Variants in CLMN observed in about 807,000 individuals in gnomAD.
CLMN encodes calmin.
Under a neutral mutation model 92.7 loss-of-function variants are expected in CLMN, and 57 were observed. The ratio of observed to expected loss-of-function variants is 0.61; its 90% CI spans 0.50 to 0.77. The LOEUF is 0.77. Among genes scored for constraint, CLMN ranks in the 30% least tolerant of loss-of-function variants. The probability of loss-of-function intolerance (pLI) is 0.00; values close to 1 mark genes in which losing one functional copy is unlikely to be tolerated. For synonymous variants in CLMN, 466 were observed against 470.6 expected, an observed-to-expected ratio of 0.99 and a Z score of 0.13; for missense variants, 1,158 against 1,237.5, an observed-to-expected ratio of 0.94 and a Z score of 0.96.
chr14:95,210,807 G>A lies in CLMN; in HGVS notation c.681C>T (p.Ala227=), dbSNP rs1311194013. 7 of 1,588,930 alleles carry A rather than the reference G, an allele frequency of 4.4e-6. No homozygotes were observed. The highest frequency in any genetic ancestry group is 6.0e-6 in the Non-Finnish European group (7 of 1,171,788). ...SGLAFLAVIK[A]IDPSLVDMKQ... is the part of the protein sequence containing the mutation. ...TCATGTCCACCAGGCTGGGGTCAAT[G>A]GCCTTGATCACCGCCAGGAAAGCCA... Residue 227 remains alanine (A), a synonymous_variant, in exon 7 of 13, where the codon GCC becomes GCT. Coordinates refer to ENST00000298912, the MANE Select transcript of CLMN (RefSeq NM_024734.4).
At chr14:95,224,265 TTTTA>T (rs202079432) in intron 2 of CLMN, among the ~76,000 whole-genome samples, 38 of 151,658 alleles carry the variant, frequency 2.5e-4, no homozygotes, top group Non-Finnish European at 4.0e-4. Context: ...AAGCCCTTCA[TTTTA>T]TTTATTTATT....
At chr14:95,230,001 C>T in intron 2 of CLMN, 71 bp downstream of exon 2, 4 of 1,418,428 alleles carry the variant, frequency 2.8e-6, no homozygotes, top group Non-Finnish European at 4.0e-6. Context: ...AGCTCCCCCT[C>T]CACTCTCTGG....
intron 1 of CLMN, among the ~76,000 whole-genome samples, chr14:95,279,532 C>A (rs761514902): frequency 6.6e-6 from 1 of 152,198 alleles, no homozygotes; most frequent in Non-Finnish European, 1.5e-5. Flanking sequence ...GCCTGTAATC[C>A]CAGCACTTTG....
rs57386182 is a variant in CLMN, at chr14:95,222,289, T to G, written c.241-515A>C. The G allele has an allele frequency of 1.2e-3, 282 of 234,176 alleles. 5 individuals are homozygous for G. The East Asian group carries it at 0.034, about 28-fold the overall frequency. The allele number at this position is 234,176 out of a possible 1,614,324, so 14.5% of individuals were successfully genotyped here. On this transcript the variant is annotated intron_variant, in intron 3 of 12. Coordinates refer to ENST00000298912, the MANE Select transcript of CLMN (RefSeq NM_024734.4). ...TAGCCAAGAGTTTTGTGGACAGTTA[T>G]CCCAGGTCGAAAGAGAGAAAGAGAG...
At chr14:95,212,650 T>G (rs991516455) in intron 6 of CLMN, among the ~76,000 whole-genome samples, 6 of 152,324 alleles carry the variant, frequency 3.9e-5, no homozygotes, top group East Asian at 1.9e-4. Flanking sequence ...CATGCCCATG[T>G]TGAGAGGCAA....
At chr14:95,204,529 G>C (rs1896992777) in intron 8 of CLMN, 66 bp from the exon 9 acceptor site, 1 of 1,357,086 alleles carries the variant, frequency 7.4e-7, no homozygotes, top group Non-Finnish European at 9.8e-7. Context: ...AAAAAGCACA[G>C]AGCAACATGA....
intron 1 of CLMN, among the ~76,000 whole-genome samples, chr14:95,261,757 T>A (rs1378233578): frequency 6.6e-6 from 1 of 152,140 alleles, no homozygotes; most frequent in Non-Finnish European, 1.5e-5. Context: ...GTCCACCCGC[T>A]CCTCTCATCT....
chr14:95,237,436 G>A (rs1898093929), intron 1 of CLMN, among the ~76,000 whole-genome samples: 1 of 152,222 alleles, frequency 6.6e-6, no homozygotes. Context: ...ACTAAGCGCT[G>A]GGACAGCATG....
chr14:95,197,007 C>CT (rs1363082882), intron 9 of CLMN, among the ~76,000 whole-genome samples: 1 of 152,202 alleles, frequency 6.6e-6, no homozygotes, highest in Non-Finnish European at 1.5e-5. Flanking sequence ...CTGATGTTAT[C>CT]TTTTTGAGCC....
At chr14:95,224,018 A>G (rs41286556) in intron 2 of CLMN, among the ~76,000 whole-genome samples, 163 bp from the exon 3 acceptor site, 8,975 of 152,268 alleles carry the variant, frequency 0.059, 316 homozygotes, top group African/African-American at 0.063. Context: ...TCCCCCTGGA[A>G]GTGATACCCA....
Position 95,268,996 on chromosome 14 carries a change from G to T in CLMN, c.83-38863C>A, listed in dbSNP as rs188987200. Reference sequence around the variant, plus strand: ...TTTTTGTATTTTTAGCAGAGACAGGGTTTCACCATATTAGCCAGGCTGGTC... The same window carrying T: ...TTTTTGTATTTTTAGCAGAGACAGGTTTTCACCATATTAGCCAGGCTGGTC... On this transcript the variant is annotated intron_variant, in intron 1 of 12. Coordinates refer to ENST00000298912, the MANE Select transcript of CLMN (RefSeq NM_024734.4). 2.5e-4 allele frequency among the ~76,000 whole-genome samples: 38 copies of T among 151,510 alleles called. No individual in the cohort carries two copies. In the East Asian group the frequency reaches 5.6e-3, roughly 22 times the overall value.
rs377583081 is a variant in CLMN at position 95,319,813 on chromosome 14, C to T, written c.-21G>A. On this transcript the variant is annotated 5_prime_UTR_variant, in exon 1 of 13. Coordinates refer to ENST00000298912, the MANE Select transcript of CLMN (RefSeq NM_024734.4). ...GCCATGAAGCGCGGGCGGGAGAGCC[C>T]GGGCCAGCGCGGCGCGGGCGGCGGG... The T allele has an allele frequency of 5.9e-6, 8 of 1,361,838 alleles. No homozygotes were observed. Among genetic ancestry groups the T allele is most frequent in the East Asian group, 5.9e-5 (2 of 33,672 alleles). 84.4% of individuals were successfully genotyped at this position (1,361,838 alleles called of 1,614,324 possible).
At chr14:95,264,939 CAA>C (rs34109382) in intron 1 of CLMN, among the ~76,000 whole-genome samples, 21 of 127,398 alleles carry the variant, frequency 1.6e-4, no homozygotes, top group Non-Finnish European at 1.9e-4. Flanking sequence ...CCATCTCTAC[CAA>C]AAAAAAAAAA....
At chr14:95,201,828 T>C (rs10131148) in intron 9 of CLMN, among the ~76,000 whole-genome samples, 2 of 147,740 alleles carry the variant, frequency 1.4e-5, no homozygotes, top group Non-Finnish European at 3.0e-5. Context: ...GGACAAGCGG[T>C]GTTTGGTTTT....
chr14:95,184,310 G>A lies in CLMN; in HGVS notation c.*7254C>T, dbSNP rs945981856. 2 of 152,108 alleles carry A rather than the reference G, an allele frequency of 1.3e-5. No individual in the cohort carries two copies. Among genetic ancestry groups the A allele is most frequent in the Admixed American group, 1.3e-4 (2 of 15,270 alleles). The allele number at this position is 152,108 out of a possible 1,614,324, so 9.4% of individuals were successfully genotyped here. A position where few individuals can be genotyped will look rare whatever the true frequency, so the allele number is the denominator to read the frequency against. On this transcript the variant is annotated 3_prime_UTR_variant, in exon 13 of 13. Transcript: ENST00000298912. ...CCCACAATACCTCCCAGAGAAGAAGGCAGTGATTAAAATGAAAACAAAAAA... is the reference window on the plus strand; with the variant it reads ...CCCACAATACCTCCCAGAGAAGAAGACAGTGATTAAAATGAAAACAAAAAA...
chr14:95,234,161 C>G (rs187001544), intron 1 of CLMN, among the ~76,000 whole-genome samples: 111 of 152,318 alleles, frequency 7.3e-4, no homozygotes, highest in African/African-American at 2.1e-3. Flanking sequence ...GTCTCCCCTC[C>G]ACAGAATGAG....
chr14:95,319,373 G>A (rs892934571), intron 1 of CLMN, among the ~76,000 whole-genome samples: 7 of 151,094 alleles, frequency 4.6e-5, no homozygotes, highest in Admixed American at 3.9e-4. Flanking sequence ...TCCCTAACCT[G>A]GGCCACCGCC....
chr14:95,238,365 C>T (rs1409334022), intron 1 of CLMN, among the ~76,000 whole-genome samples: 3 of 152,236 alleles, frequency 2.0e-5, no homozygotes, highest in Admixed American at 2.0e-4. Flanking sequence ...CAACGTCCTT[C>T]GGTTCCGACT....
chr14:95,283,404 T>G (rs1157629154), intron 1 of CLMN, among the ~76,000 whole-genome samples: 2 of 152,124 alleles, frequency 1.3e-5, no homozygotes, highest in African/African-American at 4.8e-5. Context: ...ATACAGTAAA[T>G]TGGTACCAGT....
Sources: allele counts gnomAD v4.1 joint callset (sites outside exome capture counted in the v4.1 genomes callset), GRCh38; gene constraint gnomAD v4.1.1; transcripts MANE v1.5; gene names NCBI Gene and HGNC (gene_info 2026-07-23, HGNC 2026-07-21).